Variants in B3GALT2 observed in about 807,000 individuals in gnomAD.
B3GALT2 encodes UDP-Gal:betaGlcNAc beta 1,3-galactosyltransferase, polypeptide 2.
A neutral mutation model predicts 33.5 loss-of-function variants in B3GALT2; 13 were observed. That is an observed-to-expected ratio of 0.39 (90% CI 0.25 to 0.62). The LOEUF is 0.62. Among genes scored for constraint, B3GALT2 ranks in the 20% least tolerant of loss-of-function variants. The probability of loss-of-function intolerance (pLI) is 0.53; values close to 1 mark genes in which losing one functional copy is unlikely to be tolerated. For synonymous variants in B3GALT2, 195 were observed against 172.7 expected, an observed-to-expected ratio of 1.13 and a Z score of -1.01; for missense variants, 418 against 509.1, an observed-to-expected ratio of 0.82 and a Z score of 1.72.
rs761969815 is a variant in B3GALT2, at chr1:193,181,182, A to G, written c.381T>C (p.Gly127=). ...SANGSIYNEK[G]TGHPNSYHFK... is the part of the protein sequence containing the mutation. ...AATGGTAAGAATTTGGATGTCCAGT[A>G]CCTTTTTCATTGTAAATACTTCCAT... is the stretch of plus-strand genomic sequence containing the variant. The change falls in exon 2 of 2, where the codon GGT becomes GGC. Residue 127 remains glycine, a synonymous_variant. Coordinates refer to ENST00000367434, the MANE Select transcript of B3GALT2 (RefSeq NM_003783.3). 1 of 1,613,870 alleles carries G rather than the reference A, an allele frequency of 6.2e-7. No homozygotes were observed. The highest frequency in any genetic ancestry group is 8.5e-7 in the Non-Finnish European group (1 of 1,179,920).
chr1:193,182,569 T>C (rs1676735193), intron 1 of B3GALT2, among the ~76,000 whole-genome samples: 1 of 152,178 alleles, frequency 6.6e-6, no homozygotes, highest in South Asian at 2.1e-4. Flanking sequence ...TGCTTTATTC[T>C]AAATTTACAT....
chr1:193,183,936 G>A (rs1676763271), intron 1 of B3GALT2, among the ~76,000 whole-genome samples: 1 of 151,728 alleles, frequency 6.6e-6, no homozygotes, highest in Admixed American at 6.6e-5. Flanking sequence ...TGAGTTAAAG[G>A]ACTGAGTAAA....
intron 1 of B3GALT2, among the ~76,000 whole-genome samples, chr1:193,183,305 C>G (rs1676750890): frequency 6.6e-6 from 1 of 150,996 alleles, no homozygotes; most frequent in African/African-American, 2.4e-5. Context: ...TTTCTAGTTT[C>G]TGAGATTACA....
chr1:193,184,060 T>C (rs987609378), intron 1 of B3GALT2, among the ~76,000 whole-genome samples: 1 of 151,894 alleles, frequency 6.6e-6, no homozygotes, highest in African/African-American at 2.4e-5. Context: ...CATATTGTAA[T>C]GTAGCATAAA....
Position 193,181,650 on chromosome 1 carries a change from T to C in B3GALT2, c.-88A>G, listed in dbSNP as rs1470353511. ...ATACTATTCTTTGGCAATCATTTTC[T>C]AATTCAGTCACATTGTCTCTCTTGT... is the stretch of plus-strand genomic sequence containing the variant. On this transcript the variant is annotated 5_prime_UTR_variant, in exon 2 of 2. Coordinates refer to ENST00000367434, the MANE Select transcript of B3GALT2 (RefSeq NM_003783.3). The C allele has an allele frequency of 1.6e-6, 2 of 1,229,972 alleles. No individual in the cohort carries two copies. Among genetic ancestry groups the C allele is most frequent in the African/African-American group, 3.0e-5 (2 of 65,594 alleles). 76.2% of individuals were successfully genotyped at this position (1,229,972 alleles called of 1,614,324 possible).
rs193051755 is a variant in B3GALT2, at chr1:193,184,627, A to G, written c.-121+1392T>C. ...TCTTTAGTCTGTTGGTGATGGTTTA[A>G]TAGAAAAACTTACACTTTTGTTTTG... On this transcript the variant is annotated intron_variant, in intron 1 of 1. Transcript: ENST00000367434. Among the ~76,000 whole-genome samples, 25 of 152,070 alleles carry G rather than the reference A, an allele frequency of 1.6e-4. No homozygotes were observed. The East Asian group carries it at 4.4e-3, about 27-fold the overall frequency.
At position 193,179,880 on chromosome 1, in the gene B3GALT2, AGT is replaced by A. The variant is rs914722843; in HGVS notation, c.*412_*413del. 3.3e-5 allele frequency: 5 copies of A among 152,922 alleles called. No individual in the cohort carries two copies. The highest frequency in any genetic ancestry group is 9.6e-5 in the African/African-American group (4 of 41,468). The allele number at this position is 152,922 out of a possible 1,614,324, so 9.5% of individuals were successfully genotyped here. A position where few individuals can be genotyped will look rare whatever the true frequency, so the allele number is the denominator to read the frequency against. ...ATTAAAAAGTTTCCTTAAAATTGAT[AGT>A]GATGTTTTATTTACATTAAATTATA... On this transcript the variant is annotated 3_prime_UTR_variant, in exon 2 of 2. Coordinates refer to ENST00000367434, the MANE Select transcript of B3GALT2 (RefSeq NM_003783.3).
Position 193,181,066 on chromosome 1 carries a change from G to A in B3GALT2, c.497C>T (p.Ala166Val). ...LIAAEPGQIE[A>V]RRAIRQTWGN... ...CCAAGTTTGCCGAATAGCTCTTCTA[G>A]CTTCTATTTGTCCAGGCTCTGCAGC... The change falls in exon 2 of 2, where the codon GCT (alanine) becomes GTT (valine). Residue 166 changes from alanine (A) to valine (V), a missense_variant. Ala to Val is a moderately conservative substitution (Grantham distance 64, BLOSUM62 0). This residue lies in a region of B3GALT2 where 188 missense variants were observed against 197.5 expected (regional missense o/e 0.95). Coordinates refer to ENST00000367434, the MANE Select transcript of B3GALT2 (RefSeq NM_003783.3). 1 of 1,614,002 alleles carries A rather than the reference G, an allele frequency of 6.2e-7. No individual in the cohort carries two copies. The highest frequency in any genetic ancestry group is 8.5e-7 in the Non-Finnish European group (1 of 1,179,972).
In B3GALT2 at chr1:193,179,593, A is replaced by G. The variant is rs1314066931; in HGVS notation, c.*701T>C. The G allele has an allele frequency of 1.3e-5, 2 of 152,654 alleles. No homozygotes were observed. The highest frequency in any genetic ancestry group is 2.4e-5 in the African/African-American group (1 of 41,452). 9.5% of individuals were successfully genotyped at this position (152,654 alleles called of 1,614,324 possible). The stretch of plus-strand genomic sequence containing the variant: ...GTCTATTTTGAAACATTTAATAACT[A>G]TAAAAACTTGAGCCTGAGACACATT... On this transcript the variant is annotated 3_prime_UTR_variant, in exon 2 of 2. Transcript: ENST00000367434.
In B3GALT2 at chr1:193,180,497, C is replaced by T; in HGVS notation, c.1066G>A (p.Val356Ile). 6.2e-7 allele frequency: 1 copy of T among 1,613,988 alleles called. No homozygotes were observed. Among genetic ancestry groups the T allele is most frequent in the Non-Finnish European group, 8.5e-7 (1 of 1,179,926 alleles). ...AACACAAACTCATTGGGAGGGGGTA[C>T]AGGATCAATTCTCAACTTGGCAAGA... The part of the protein sequence containing the change: ...ICLAKLRIDP[V>I]PPPNEFVFNH... Residue 356 changes from valine (V) to isoleucine (I), a missense_variant, in exon 2 of 2, where the codon GTA becomes ATA. Physicochemically the swap from Val to Ile is conservative, Grantham distance 29. Coordinates refer to ENST00000367434, the MANE Select transcript of B3GALT2 (RefSeq NM_003783.3).
chr1:193,181,628 C>T lies in B3GALT2; in HGVS notation c.-66G>A. 1 of 1,361,690 alleles carries T rather than the reference C, an allele frequency of 7.3e-7. No homozygotes were observed. The allele number at this position is 1,361,690 out of a possible 1,614,324, so 84.4% of individuals were successfully genotyped here. On this transcript the variant is annotated 5_prime_UTR_variant, in exon 2 of 2. An upstream open reading frame in the 5' UTR loses its in-frame stop. Transcript: ENST00000367434. The stretch of plus-strand genomic sequence containing the variant: ...CAAAAATGTTTTCTTCTCCTTAATA[C>T]TATTCTTTGGCAATCATTTTCTAAT...
At position 193,180,234 on chromosome 1, in the gene B3GALT2, T is replaced by G; in HGVS notation, c.*60A>C. 6.9e-7 allele frequency: 1 copy of G among 1,443,304 alleles called. No homozygotes were observed. The allele number at this position is 1,443,304 out of a possible 1,614,324, so 89.4% of individuals were successfully genotyped here. On this transcript the variant is annotated 3_prime_UTR_variant, in exon 2 of 2. Transcript: ENST00000367434. ...CTTGTCCTACGGATGTAATCAGTTC[T>G]AACTATACATGCTTTTAGCAATATT...
At chr1:193,182,810 G>C (rs1209534856) in intron 1 of B3GALT2, among the ~76,000 whole-genome samples, 1 of 152,048 alleles carries the variant, frequency 6.6e-6, no homozygotes, top group African/African-American at 2.4e-5. Context: ...AGGGAGTAGA[G>C]GTGGGCAAAG....
chr1:193,181,794 G>A (rs759771567), intron 1 of B3GALT2, 112 bp from the exon 2 acceptor site: 101 of 412,748 alleles, frequency 2.4e-4, no homozygotes, highest in Middle Eastern at 6.3e-4. Flanking sequence ...ACCCAGGAAC[G>A]AAGCTTGTAA....
chr1:193,180,399 A>G lies in B3GALT2; in HGVS notation c.1164T>C (p.Ser388=), dbSNP rs760708190. 1 of 1,613,838 alleles carries G rather than the reference A, an allele frequency of 6.2e-7. No homozygotes were observed. The highest frequency in any genetic ancestry group is 1.3e-5 in the African/African-American group (1 of 74,922). Residue 388 remains serine (S), a synonymous_variant, in exon 2 of 2, where the codon AGT becomes AGC. Coordinates refer to ENST00000367434, the MANE Select transcript of B3GALT2 (RefSeq NM_003783.3). ...AATGGTTCCAGTATTTTATCAGTTCACTAGGCTGGAACTGATGAGAGGTAA... is the reference window on the plus strand; with the variant it reads ...AATGGTTCCAGTATTTTATCAGTTCGCTAGGCTGGAACTGATGAGAGGTAA... ...HLITSHQFQP[S]ELIKYWNHLQ... is the part of the protein sequence containing the mutation.
At position 193,181,189 on chromosome 1, in the gene B3GALT2, T is replaced by A; in HGVS notation, c.374A>T (p.Glu125Val). 6.2e-7 allele frequency: 1 copy of A among 1,613,890 alleles called. No individual in the cohort carries two copies. Among genetic ancestry groups the A allele is most frequent in the East Asian group, 2.2e-5 (1 of 44,882 alleles). The change falls in exon 2 of 2, where the codon GAA becomes GTA. Residue 125 changes from glutamate (E) to valine (V), a missense_variant. Physicochemically the swap from Glu to Val is moderately radical, Grantham distance 121. This residue lies in a region of B3GALT2 where 188 missense variants were observed against 197.5 expected (regional missense o/e 0.95). Transcript: ENST00000367434. ...TLSANGSIYN[E>V]KGTGHPNSYH... The stretch of plus-strand genomic sequence containing the variant: ...AGAATTTGGATGTCCAGTACCTTTT[T>A]CATTGTAAATACTTCCATTGGCACT...
rs1049410906 is a variant in B3GALT2 at position 193,179,290 on chromosome 1, T to G, written c.*1004A>C. On this transcript the variant is annotated 3_prime_UTR_variant, in exon 2 of 2. Transcript: ENST00000367434. The stretch of plus-strand genomic sequence containing the variant: ...AGTGTTGGCATGTGTACACCTGCTG[T>G]CAGGAAATAAACTTCCCGTATGTTG... The G allele has an allele frequency of 6.6e-6, 1 of 152,246 alleles. No homozygotes were observed. Among genetic ancestry groups the G allele is most frequent in the African/African-American group, 2.4e-5 (1 of 41,476 alleles). The allele number at this position is 152,246 out of a possible 1,614,324, so 9.4% of individuals were successfully genotyped here.
chr1:193,182,333 T>G (rs1381863314), intron 1 of B3GALT2, among the ~76,000 whole-genome samples: 1 of 152,166 alleles, frequency 6.6e-6, no homozygotes, highest in Non-Finnish European at 1.5e-5. Flanking sequence ...TTTCAAAAAT[T>G]TTAACTTTTC....
At chr1:193,183,446 A>T (rs1051414972) in intron 1 of B3GALT2, among the ~76,000 whole-genome samples, 2 of 148,862 alleles carry the variant, frequency 1.3e-5, no homozygotes, top group Non-Finnish European at 3.0e-5. Flanking sequence ...GAATTTGTTT[A>T]TATGAATTTA....
Sources: allele counts gnomAD v4.1 joint callset (sites outside exome capture counted in the v4.1 genomes callset), GRCh38; gene constraint gnomAD v4.1.1; regional missense constraint gnomAD v4.1.1; transcripts MANE v1.5; gene names NCBI Gene and HGNC (gene_info 2026-07-23, HGNC 2026-07-21).